TRIP4: variants seen among roughly 807,000 people sequenced by gnomAD.
TRIP4 encodes the protein activating signal cointegrator 1.
TRIP4 carries 54 observed loss-of-function variants against 81.8 expected under a neutral mutation model. The ratio of observed to expected loss-of-function variants is 0.66; its 90% CI spans 0.53 to 0.83. TRIP4 has a LOEUF of 0.83. Ranked by LOEUF, TRIP4 falls within the 40% of genes least tolerant of loss-of-function variation. The pLI, the probability that TRIP4 is intolerant of heterozygous loss-of-function variation, is 0.00. For missense variants in TRIP4, 662 were observed against 683.6 expected (o/e 0.97, Z 0.35); for synonymous variants, 270 against 242.8 (o/e 1.11, Z -1.04).
At chr15:64,438,397 G>T (rs112801835) in intron 11 of TRIP4, among the ~76,000 whole-genome samples, 7,339 of 152,238 alleles carry the variant, frequency 0.048, 234 homozygotes, top group South Asian at 0.086. Flanking sequence ...TCAGCTCACT[G>T]CAACCTCTGC....
At chr15:64,420,330 AG>A (rs1204303456) in intron 9 of TRIP4, among the ~76,000 whole-genome samples, 1 of 151,532 alleles carries the variant, frequency 6.6e-6, no homozygotes, top group African/African-American at 2.4e-5. Context: ...CATGTTGGTC[AG>A]GCTGGTCTCA....
At chr15:64,429,178 G>A (rs1286781824) in intron 11 of TRIP4, among the ~76,000 whole-genome samples, 13 of 152,080 alleles carry the variant, frequency 8.5e-5, no homozygotes, top group African/African-American at 2.2e-4. Context: ...TTAGCCAGGC[G>A]TGGTGGCAGG....
chr15:64,451,497 G>A (rs1263428993), intron 12 of TRIP4, among the ~76,000 whole-genome samples: 1 of 127,048 alleles, frequency 7.9e-6, no homozygotes, highest in Non-Finnish European at 1.6e-5. Context: ...TTGGGGAGTG[G>A]GTCTCACTCT....
At chr15:64,426,203 G>T (rs966467736) in intron 11 of TRIP4, among the ~76,000 whole-genome samples, 1 of 152,116 alleles carries the variant, frequency 6.6e-6, no homozygotes, top group African/African-American at 2.4e-5. Flanking sequence ...TTTTGATTGG[G>T]GGGTGGGAAT....
chr15:64,387,962 T>G lies in TRIP4; in HGVS notation c.99T>G (p.Ile33Met), dbSNP rs1019418446. The G allele has an allele frequency of 9.7e-6, 15 of 1,550,124 alleles. No homozygotes were observed. The highest frequency in any genetic ancestry group is 1.3e-5 in the Non-Finnish European group (15 of 1,146,534). The change falls in exon 1 of 13, where the codon ATT (isoleucine) becomes ATG (methionine). Residue 33 changes from isoleucine (I) to methionine (M), a missense_variant and splice_region_variant. Physicochemically the swap from Ile to Met is conservative, Grantham distance 10 (BLOSUM62 1). Transcript: ENST00000261884. ...GCCTGGATGTCAGCGAGGAGATCAT[T>G]CAGTGAGAACAGTTCGGGTCCAAGC... ...TFGLDVSEEIIQYVLSIESAE... is the reference protein window; with the variant it reads ...TFGLDVSEEIMQYVLSIESAE...
intron 11 of TRIP4, among the ~76,000 whole-genome samples, chr15:64,434,900 A>C (rs1023588109): frequency 6.6e-6 from 1 of 152,054 alleles, no homozygotes; most frequent in Non-Finnish European, 1.5e-5. Flanking sequence ...ATGTAAACCA[A>C]GTGGCAACTT....
intron 12 of TRIP4, chr15:64,450,840 G>A: frequency 2.4e-6 from 1 of 416,798 alleles, no homozygotes; most frequent in Non-Finnish European, 5.0e-6. Flanking sequence ...ACCTGAGCTG[G>A]TCTCACTTGA....
intron 7 of TRIP4, among the ~76,000 whole-genome samples, chr15:64,410,310 G>A (rs1435867842): frequency 6.6e-6 from 1 of 152,108 alleles, no homozygotes; most frequent in Non-Finnish European, 1.5e-5. Context: ...ATAGGCATGA[G>A]TCACCATGCT....
chr15:64,394,002 T>G lies in TRIP4; in HGVS notation c.158T>G (p.Leu53Arg), dbSNP rs1422006742. The G allele has an allele frequency of 5.6e-6, 9 of 1,611,062 alleles. No homozygotes were observed. Among genetic ancestry groups the G allele is most frequent in the Non-Finnish European group, 8.5e-7 (1 of 1,178,682 alleles). Residue 53 changes from leucine (L) to arginine (R), a missense_variant, in exon 2 of 13, where the codon CTC (leucine) becomes CGC (arginine). Leu to Arg is a moderately radical substitution (Grantham distance 102). Coordinates refer to ENST00000261884, the MANE Select transcript of TRIP4 (RefSeq NM_016213.5). ...EEIREYVTDLLQGNEGKKGQF... is the reference protein window; with the variant it reads ...EEIREYVTDLRQGNEGKKGQF... ...ATACGAGAATATGTTACTGATCTCC[T>G]CCAGGGAAATGAAGGCAAAAAAGGT...
chr15:64,420,416 C>T (rs1005488644), intron 9 of TRIP4, among the ~76,000 whole-genome samples: 5 of 152,044 alleles, frequency 3.3e-5, no homozygotes, highest in South Asian at 4.2e-4. Context: ...CCAATGCGCC[C>T]GGCTGTTTCT....
chr15:64,403,945 A>G (rs1019119674), intron 5 of TRIP4, among the ~76,000 whole-genome samples: 1 of 152,042 alleles, frequency 6.6e-6, no homozygotes, highest in Admixed American at 6.6e-5. Context: ...TAATCCTAGC[A>G]CTTTGAGAGG....
chr15:64,414,574 T>A (rs1213110204), intron 8 of TRIP4, among the ~76,000 whole-genome samples: 1 of 132,052 alleles, frequency 7.6e-6, no homozygotes, highest in African/African-American at 2.7e-5. Flanking sequence ...TGGAGTGCAG[T>A]GGCATGATCT....
intron 9 of TRIP4, among the ~76,000 whole-genome samples, chr15:64,420,664 C>T (rs1189824453): frequency 2.0e-5 from 3 of 151,858 alleles, no homozygotes; most frequent in Admixed American, 6.6e-5. Context: ...GCTGGGACTA[C>T]GGGCGCCCGC....
chr15:64,423,418 G>A (rs967623333), intron 9 of TRIP4, among the ~76,000 whole-genome samples: 18 of 126,152 alleles, frequency 1.4e-4, no homozygotes, highest in African/African-American at 4.3e-4. Context: ...AGCCGAGGTC[G>A]CGCCACTGCT....
intron 9 of TRIP4, among the ~76,000 whole-genome samples, chr15:64,421,299 A>C (rs1016682276): frequency 4.0e-5 from 6 of 148,538 alleles, no homozygotes; most frequent in Non-Finnish European, 8.9e-5. Flanking sequence ...AAAAATTATA[A>C]TACTATATTT....
rs199699039 is a variant in TRIP4, at chr15:64,387,858, G to C, written c.-6G>C. ...TTTGCAGCTCAGCTGGTTCCGGCTG[G>C]GGAAGATGGCGGTGGCTGGGGCGGT... On this transcript the variant is annotated 5_prime_UTR_variant, in exon 1 of 13. Coordinates refer to ENST00000261884, the MANE Select transcript of TRIP4 (RefSeq NM_016213.5). 6.5e-7 allele frequency: 1 copy of C among 1,544,240 alleles called. No individual in the cohort carries two copies. Among genetic ancestry groups the C allele is most frequent in the African/African-American group, 1.4e-5 (1 of 73,134 alleles).
chr15:64,397,547 C>G, intron 3 of TRIP4, 59 bp from the exon 4 acceptor site: 1 of 1,558,082 alleles, frequency 6.4e-7, no homozygotes, highest in African/African-American at 1.4e-5. Flanking sequence ...CATTTTCTCC[C>G]TTGACTTTTT....
chr15:64,394,087 T>A lies in TRIP4; in HGVS notation c.243T>A (p.Asp81Glu). 1 of 1,606,726 alleles carries A rather than the reference T, an allele frequency of 6.2e-7. No individual in the cohort carries two copies. The highest frequency in any genetic ancestry group is 8.5e-7 in the Non-Finnish European group (1 of 1,176,824). ...AGAATGATCAGGAGTTGATTTCGGA[T>A]CCTTTGCAGCAGTGCTTCAAAAAAG... ...WQKNDQELISDPLQQCFKKDE... is the reference protein window; with the variant it reads ...WQKNDQELISEPLQQCFKKDE... Residue 81 changes from aspartate to glutamate, a missense_variant, in exon 2 of 13, where the codon GAT becomes GAA. Asp to Glu is a conservative substitution (Grantham distance 45, BLOSUM62 2). Coordinates refer to ENST00000261884, the MANE Select transcript of TRIP4 (RefSeq NM_016213.5).
At chr15:64,450,569 C>T in intron 12 of TRIP4, 1 of 421,576 alleles carries the variant, frequency 2.4e-6, no homozygotes, top group Non-Finnish European at 4.8e-6. Context: ...CAAGAGTTGC[C>T]TCTATTGGCA....
Sources: allele counts gnomAD v4.1 joint callset (sites outside exome capture counted in the v4.1 genomes callset), GRCh38; gene constraint gnomAD v4.1.1; transcripts MANE v1.5; gene names NCBI Gene and HGNC (gene_info 2026-07-23, HGNC 2026-07-21).